Variants in TRPM3 observed in about 807,000 individuals in gnomAD.
The protein encoded by TRPM3 is long transient receptor potential channel 3.
TRPM3 carries 77 observed loss-of-function variants against 181.2 expected under a neutral mutation model. The ratio of observed to expected loss-of-function variants is 0.42; its 90% confidence interval spans 0.35 to 0.51. The LOEUF is 0.51. Among genes scored for constraint, TRPM3 ranks in the 20% least tolerant of loss-of-function variants. The pLI is 0.01. For synonymous variants in TRPM3, 745 were observed against 796.4 expected, an observed-to-expected ratio of 0.94 and a Z score of 1.09; for missense variants, 1,759 against 2,196.7, an observed-to-expected ratio of 0.80 and a Z score of 3.98.
intron 1 of TRPM3, among the ~76,000 whole-genome samples, chr9:71,254,721 A>C (rs993804417): frequency 6.6e-6 from 1 of 152,222 alleles, no homozygotes; most frequent in Non-Finnish European, 1.5e-5. Context: ...CCACATTAAC[A>C]AATTGGTCTT....
intron 1 of TRPM3, among the ~76,000 whole-genome samples, chr9:71,395,985 A>T (rs1197601591): frequency 6.6e-6 from 1 of 152,222 alleles, no homozygotes; most frequent in Non-Finnish European, 1.5e-5. Flanking sequence ...CCATTTAGAA[A>T]AGCTAAAAAA....
At chr9:70,574,637 G>A (rs371596442) in intron 22 of TRPM3, among the ~76,000 whole-genome samples, 2 of 152,312 alleles carry the variant, frequency 1.3e-5, no homozygotes, top group East Asian at 3.9e-4. Flanking sequence ...AAGGAGGCAG[G>A]AGCTTCATCA....
At chr9:71,311,434 CAG>C (rs1416504681) in intron 1 of TRPM3, among the ~76,000 whole-genome samples, 1 of 152,028 alleles carries the variant, frequency 6.6e-6, no homozygotes, top group Admixed American at 6.6e-5. Flanking sequence ...TGGAACAGAA[CAG>C]AGAGCCATAT....
chr9:71,204,046 T>C (rs1001672267), intron 1 of TRPM3, among the ~76,000 whole-genome samples: 1 of 151,808 alleles, frequency 6.6e-6, no homozygotes, highest in African/African-American at 2.4e-5. Flanking sequence ...CCTTACACCT[T>C]ATACAAAAAT....
intron 1 of TRPM3, 127 bp from the exon 2 acceptor site, chr9:70,864,638 T>G: frequency 2.0e-6 from 1 of 496,494 alleles, no homozygotes; most frequent in South Asian, 6.3e-5. Context: ...CAAATTGAAC[T>G]GAAATTGTGA....
chr9:70,651,786 T>C (rs1048700230), intron 9 of TRPM3, among the ~76,000 whole-genome samples: 3 of 152,136 alleles, frequency 2.0e-5, no homozygotes, highest in African/African-American at 7.2e-5. Context: ...CTTTACTATT[T>C]CTTGAAGCTT....
chr9:70,890,469 G>A (rs1184172400), intron 1 of TRPM3, among the ~76,000 whole-genome samples: 2 of 151,976 alleles, frequency 1.3e-5, no homozygotes, highest in Non-Finnish European at 2.9e-5. Context: ...AAATTGAAGG[G>A]GTCACTGTGA....
intron 1 of TRPM3, among the ~76,000 whole-genome samples, chr9:71,147,018 A>C (rs978736362): frequency 2.6e-5 from 4 of 152,160 alleles, no homozygotes; most frequent in African/African-American, 9.7e-5. Context: ...AGGGAAACCA[A>C]GTAGGGGCTA....
At chr9:71,099,469 A>G (rs1297188671) in intron 1 of TRPM3, among the ~76,000 whole-genome samples, 1 of 152,180 alleles carries the variant, frequency 6.6e-6, no homozygotes, top group East Asian at 1.9e-4. Flanking sequence ...ACGTCTCACC[A>G]TTATATTTAA....
At chr9:70,636,367 T>C (rs2057191189) in intron 11 of TRPM3, among the ~76,000 whole-genome samples, 1 of 152,024 alleles carries the variant, frequency 6.6e-6, no homozygotes, top group African/African-American at 2.4e-5. Context: ...TTGCTGTAAC[T>C]TGATTTAAAG....
intron 1 of TRPM3, among the ~76,000 whole-genome samples, chr9:71,057,289 A>AT (rs1011802043): frequency 1.3e-5 from 2 of 151,790 alleles, no homozygotes; most frequent in Non-Finnish European, 1.5e-5. Context: ...CATTGAGTCT[A>AT]TTTTTTTGTA....
At chr9:70,968,218 G>A (rs145248797) in intron 1 of TRPM3, among the ~76,000 whole-genome samples, 40 of 152,180 alleles carry the variant, frequency 2.6e-4, no homozygotes, top group Admixed American at 6.5e-4. Flanking sequence ...TGCTTATATT[G>A]ATAAATTAAG....
At chr9:71,049,558 A>G (rs1265777176) in intron 1 of TRPM3, among the ~76,000 whole-genome samples, 1 of 152,130 alleles carries the variant, frequency 6.6e-6, no homozygotes, top group Non-Finnish European at 1.5e-5. Flanking sequence ...AAGGGGGAAA[A>G]GGGTGGCCTA....
chr9:71,124,547 C>T (rs603103), upstream of TRPM3, among the ~76,000 whole-genome samples: 71,171 of 151,836 alleles, frequency 0.47, 16,785 homozygotes, highest in South Asian at 0.5. Context: ...AATTCTCTCC[C>T]GTGCTACAGA....
At chr9:71,210,869 C>T (rs748344129) in intron 1 of TRPM3, among the ~76,000 whole-genome samples, 3 of 152,182 alleles carry the variant, frequency 2.0e-5, no homozygotes, top group Non-Finnish European at 4.4e-5. Context: ...AGAGGGACAT[C>T]TTCTGGCTGT....
At chr9:70,964,841 C>G (rs983253674) in intron 1 of TRPM3, among the ~76,000 whole-genome samples, 1 of 152,072 alleles carries the variant, frequency 6.6e-6, no homozygotes, top group Non-Finnish European at 1.5e-5. Flanking sequence ...TTTTCTGACT[C>G]TTTTCTGTTA....
chr9:70,929,939 G>A (rs1441826211), intron 1 of TRPM3, among the ~76,000 whole-genome samples: 1 of 152,110 alleles, frequency 6.6e-6, no homozygotes, highest in African/African-American at 2.4e-5. Context: ...ATCAACCAGT[G>A]GATGTACATA....
chr9:71,032,031 TA>T (rs1491136788), intron 1 of TRPM3, among the ~76,000 whole-genome samples: 46,665 of 52,788 alleles, frequency 0.88, 20,776 homozygotes, highest in East Asian at 0.98. Context: ...ATATATAATA[TA>T]AATATATATA....
intron 22 of TRPM3, among the ~76,000 whole-genome samples, chr9:70,570,365 G>A (rs1247331942): frequency 1.4e-5 from 2 of 146,124 alleles, no homozygotes; most frequent in Admixed American, 1.4e-4. Flanking sequence ...CTGGAGTGCA[G>A]CGGCACGATC....
Sources: allele counts gnomAD v4.1 joint callset (sites outside exome capture counted in the v4.1 genomes callset), GRCh38; gene constraint gnomAD v4.1.1; transcripts MANE v1.5; gene names NCBI Gene and HGNC (gene_info 2026-07-23, HGNC 2026-07-21).